The following C22orf31 variants were observed in gnomAD, a reference collection of about 807,000 sequenced individuals.
The protein encoded by C22orf31 is uncharacterized protein C22orf31.
A neutral mutation model predicts 15.0 loss-of-function variants in C22orf31; 11 were observed. The observed-to-expected ratio is 0.73, with a 90% CI of 0.46 to 1.21. The LOEUF is 1.21. Ranked by LOEUF, C22orf31 falls within the 50% of genes most tolerant of loss-of-function variation. The pLI, the probability that C22orf31 is intolerant of heterozygous loss-of-function variation, is 0.00. For missense variants in C22orf31, 340 were observed against 347.2 expected (o/e 0.98, Z 0.17); for synonymous variants, 132 against 133.3 (o/e 0.99, Z 0.07).
intron 2 of C22orf31, 52 bp downstream of exon 2, chr22:29,060,363 C>T: frequency 6.6e-7 from 1 of 1,506,430 alleles, no homozygotes; most frequent in East Asian, 2.3e-5. Context: ...CTGGCTTTAC[C>T]TTTTCCCTCC....
At position 29,060,676 on chromosome 22, in the gene C22orf31, A is replaced by G. The variant is rs903414034; in HGVS notation, c.171T>C (p.Ala57=). ...TTACAACTTCCCAAGAGGAAGTGGTAGCTGGTGCTGGGGCATTAATGTTCT... is the reference window on the plus strand; with the variant it reads ...TTACAACTTCCCAAGAGGAAGTGGTGGCTGGTGCTGGGGCATTAATGTTCT... ...AKQNINAPAP[A]TTSSWEVVRN... is the part of the protein sequence containing the mutation. Residue 57 remains alanine (A), a synonymous_variant, in exon 2 of 3, where the codon GCT becomes GCC. Transcript: ENST00000216071. The G allele has an allele frequency of 4.3e-6, 7 of 1,614,070 alleles. No homozygotes were observed. Among genetic ancestry groups the G allele is most frequent in the Non-Finnish European group, 5.9e-6 (7 of 1,180,046 alleles).
chr22:29,064,537 A>G (rs1334188406), upstream of C22orf31, among the ~76,000 whole-genome samples: 1 of 151,730 alleles, frequency 6.6e-6, no homozygotes, highest in Non-Finnish European at 1.5e-5. Context: ...GTTTCAAGAC[A>G]GGGTCTCAGT....
At chr22:29,061,485 C>T (rs148015819) in intron 1 of C22orf31, among the ~76,000 whole-genome samples, 9 of 152,188 alleles carry the variant, frequency 5.9e-5, no homozygotes, top group South Asian at 2.1e-4. Context: ...AGGCTGGCCT[C>T]GAACTCCCCA....
Position 29,060,633 on chromosome 22 carries a change from T to A in C22orf31, c.214A>T (p.Ser72Cys). The A allele has an allele frequency of 6.2e-7, 1 of 1,614,144 alleles. No homozygotes were observed. The highest frequency in any genetic ancestry group is 8.5e-7 in the Non-Finnish European group (1 of 1,179,982). ...ACAAGCTTAACCAGGGAGAAGGAAC[T>A]GGCAATTAATGGGTTCCTTACAACT... ...WEVVRNPLIA[S>C]SFSLVKLVLR... The change falls in exon 2 of 3, where the codon AGT becomes TGT. Residue 72 changes from serine to cysteine, a missense_variant. Ser to Cys is a moderately radical substitution (Grantham distance 112). Coordinates refer to ENST00000216071, the MANE Select transcript of C22orf31 (RefSeq NM_015370.2).
the C22orf31 span, among the ~76,000 whole-genome samples, chr22:29,070,634 C>T: frequency 7.2e-5 from 11 of 152,172 alleles, no homozygotes; most frequent in Non-Finnish European, 4.4e-5. Context: ...TGGCATGCCT[C>T]TGTAGTCCCA....
rs1329418996 is a variant in C22orf31, at chr22:29,059,693, A to G, written c.433-511T>C. On this transcript the variant is annotated intron_variant, in intron 2 of 2. Coordinates refer to ENST00000216071, the MANE Select transcript of C22orf31 (RefSeq NM_015370.2). Reference sequence around the variant, plus strand: ...CACGGGGTAACATACCTGGATTCCAATCAGGCCTTCGTAGGCCAAGTTCTC... The same window carrying G: ...CACGGGGTAACATACCTGGATTCCAGTCAGGCCTTCGTAGGCCAAGTTCTC... 4 of 962,684 alleles carry G rather than the reference A, an allele frequency of 4.2e-6. No individual in the cohort carries two copies. The African/African-American group carries it at 5.4e-5, about 13-fold the overall frequency. The allele number at this position is 962,684 out of a possible 1,614,324, so 59.6% of individuals were successfully genotyped here.
chr22:29,059,708 G>A (rs2037362765), intron 2 of C22orf31: 1 of 980,936 alleles, frequency 1.0e-6, no homozygotes, highest in Admixed American at 6.4e-5. Context: ...GCCTTCGTAG[G>A]CCAAGTTCTC....
In C22orf31 at chr22:29,060,021, C is replaced by CTTTTTTT. The variant is rs60208241; in HGVS notation, c.432+387_432+393dup. Reference sequence around the variant, plus strand: ...CTTGGTATAGATCTTTTTTTCTTTTCTTTTTTTTTTTTTTTTTTTTTTATT... The same window carrying CTTTTTTT: ...CTTGGTATAGATCTTTTTTTCTTTTCTTTTTTTTTTTTTTTTTTTTTTTTTTTTTATT... On this transcript the variant is annotated intron_variant, in intron 2 of 2. Coordinates refer to ENST00000216071, the MANE Select transcript of C22orf31 (RefSeq NM_015370.2). 3.4e-3 allele frequency: 1,866 copies of CTTTTTTT among 541,678 alleles called. 9 individuals are homozygous for CTTTTTTT. The highest frequency in any genetic ancestry group is 0.012 in the East Asian group (67 of 5,582). The allele number at this position is 541,678 out of a possible 1,614,324, so 33.6% of individuals were successfully genotyped here.
rs1427220605 is a variant in C22orf31, at chr22:29,058,785, T to C, written c.830A>G (p.Glu277Gly). The C allele has an allele frequency of 5.0e-6, 8 of 1,613,986 alleles. No homozygotes were observed. In the African/African-American group the frequency reaches 1.1e-4, roughly 22 times the overall value. The change falls in exon 3 of 3, where the codon GAG becomes GGG. Residue 277 changes from glutamate to glycine, a missense_variant. Coordinates refer to ENST00000216071, the MANE Select transcript of C22orf31 (RefSeq NM_015370.2). ...PGRKQPGVHE[E>G]PVLKKWPKLK... ...CTTGGGCCATTTCTTGAGTACAGGC[T>C]CCTCGTGGACACCTGGCTGCTTCCT...
upstream of C22orf31, among the ~76,000 whole-genome samples, chr22:29,062,696 AG>A (rs1352339813): frequency 6.6e-6 from 1 of 151,908 alleles, no homozygotes; most frequent in African/African-American, 2.4e-5. Flanking sequence ...TGCGTTTTTA[AG>A]TGTTGTCCCT....
At chr22:29,062,827 C>T (rs560207513), upstream of C22orf31, among the ~76,000 whole-genome samples, 8 of 152,142 alleles carry the variant, frequency 5.3e-5, no homozygotes, top group South Asian at 6.2e-4. Flanking sequence ...CAGTGGCGAG[C>T]CCTGGCCTCA....
chr22:29,066,539 C>CTTTT (rs134565), upstream of C22orf31, among the ~76,000 whole-genome samples: 30 of 70,220 alleles, frequency 4.3e-4, no homozygotes, highest in East Asian at 1.2e-3. Context: ...CTTTTCTTTT[C>CTTTT]TTTTTTTTTT....
At chr22:29,063,951 C>T (rs2347791), upstream of C22orf31, among the ~76,000 whole-genome samples, 58,466 of 151,882 alleles carry the variant, frequency 0.38, 13,631 homozygotes, top group East Asian at 0.64. Context: ...CACTGCAACC[C>T]CCACCTCCCA....
chr22:29,069,873 G>A, the C22orf31 span, among the ~76,000 whole-genome samples: 1 of 151,898 alleles, frequency 6.6e-6, no homozygotes, highest in Admixed American at 6.6e-5. Flanking sequence ...TATCAACATA[G>A]GCCCCCTTGC....
chr22:29,068,675 G>T, the C22orf31 span, among the ~76,000 whole-genome samples: 1 of 151,646 alleles, frequency 6.6e-6, no homozygotes, highest in Non-Finnish European at 1.5e-5. Flanking sequence ...CTCCCAAAGT[G>T]CTGGGATTAC....
At position 29,058,847 on chromosome 22, in the gene C22orf31, G is replaced by A. The variant is rs1403288542; in HGVS notation, c.768C>T (p.Ala256=). Reference sequence around the variant, plus strand: ...GGTCCCTCTGAGCACCTTCAGAGATGGCACCCTGACTGCAAAGAGCCTCCC... The same window carrying A: ...GGTCCCTCTGAGCACCTTCAGAGATAGCACCCTGACTGCAAAGAGCCTCCC... The part of the protein sequence containing the change: ...KLWEALCSQG[A]ISEGAQRDRF... The change falls in exon 3 of 3, where the codon GCC becomes GCT. Residue 256 remains alanine (A), a synonymous_variant. Transcript: ENST00000216071. 6.2e-7 allele frequency: 1 copy of A among 1,613,982 alleles called. No homozygotes were observed. The highest frequency in any genetic ancestry group is 2.2e-5 in the East Asian group (1 of 44,888).
upstream of C22orf31, among the ~76,000 whole-genome samples, chr22:29,062,550 G>A (rs557810851): frequency 9.9e-5 from 15 of 152,248 alleles, no homozygotes; most frequent in South Asian, 1.9e-3. Flanking sequence ...TCAGGTGCTC[G>A]TCCTGTTGGT....
rs1272488591 is a variant in C22orf31, at chr22:29,060,041, TTTA to T, written c.432+371_432+373del. 41 of 844,924 alleles carry T rather than the reference TTTA, an allele frequency of 4.9e-5. No homozygotes were observed. In the African/African-American group the frequency reaches 6.1e-4, roughly 13 times the overall value. The allele number at this position is 844,924 out of a possible 1,614,324, so 52.3% of individuals were successfully genotyped here. ...CTTTTCTTTTTTTTTTTTTTTTTTTTTTATTTTTTAGACAGGGTCTTGCTCTGT... is the reference window on the plus strand; with the variant it reads ...CTTTTCTTTTTTTTTTTTTTTTTTTTTTTTTTAGACAGGGTCTTGCTCTGT... On this transcript the variant is annotated intron_variant, in intron 2 of 2. Transcript: ENST00000216071.
At position 29,060,550 on chromosome 22, in the gene C22orf31, T is replaced by C. The variant is rs2037379514; in HGVS notation, c.297A>G (p.Gly99=). The stretch of plus-strand genomic sequence containing the variant: ...TGTGCTTTAATCTCTTCGAGAGTTT[T>C]CCTTCTCCAAACTTGCATGGTGGTG... ...CCPPPCKFGE[G]KLSKRLKHKD... is the part of the protein sequence containing the mutation. Residue 99 remains glycine, a synonymous_variant, in exon 2 of 3, where the codon GGA becomes GGG. Coordinates refer to ENST00000216071, the MANE Select transcript of C22orf31 (RefSeq NM_015370.2). 3 of 1,614,196 alleles carry C rather than the reference T, an allele frequency of 1.9e-6. No homozygotes were observed. In the African/African-American group the frequency reaches 4.0e-5, roughly 22 times the overall value.
Sources: gnomAD v4.1 joint callset for allele counts (sites outside exome capture counted in the v4.1 genomes callset) on GRCh38, gnomAD v4.1.1 for gene constraint, MANE v1.5 for transcripts, NCBI Gene and HGNC (gene_info 2026-07-23, HGNC 2026-07-21) for gene names.